The following USF3 variants were observed in gnomAD, a reference collection of about 807,000 sequenced individuals.
USF3 encodes basic helix-loop-helix domain-containing protein USF3.
A neutral mutation model predicts 157.5 loss-of-function variants in USF3; 29 were observed. The ratio of observed to expected loss-of-function variants is 0.18; its 90% CI spans 0.14 to 0.25. The LOEUF (loss-of-function observed/expected upper bound fraction) is 0.25. USF3 is among the 10% of genes least tolerant of loss of function. USF3 has a pLI of 1.00. For missense variants in USF3, 2,381 were observed against 2,667.6 expected, an observed-to-expected ratio of 0.89 and a Z score of 2.37; for synonymous variants, 893 against 941.4, an observed-to-expected ratio of 0.95 and a Z score of 0.94.
At chr3:113,663,972 C>G (rs2107930426) in intron 6 of USF3, among the ~76,000 whole-genome samples, 1 of 152,274 alleles carries the variant, frequency 6.6e-6, no homozygotes, top group East Asian at 1.9e-4. Flanking sequence ...GCAGAACTCC[C>G]CCCTTACATC....
rs778936058 is a variant in USF3 at position 113,656,095 on chromosome 3, C to T, written c.5587G>A (p.Glu1863Lys). ...CTCTCTCTTCTAATATGGACATTTTCATGAGTTGGGGGACAATTATATTCA... is the reference window on the plus strand; with the variant it reads ...CTCTCTCTTCTAATATGGACATTTTTATGAGTTGGGGGACAATTATATTCA... ...AIEYNCPPTH[E>K]NVHIRRESES... Residue 1863 changes from glutamate (E) to lysine (K), a missense_variant, in exon 7 of 7, where the codon GAA (glutamate) becomes AAA (lysine). This residue lies in a region of USF3 where 770 missense variants were observed against 824.2 expected (regional missense o/e 0.93). Coordinates refer to ENST00000316407, the MANE Select transcript of USF3 (RefSeq NM_001009899.4). 30 of 1,614,036 alleles carry T rather than the reference C, an allele frequency of 1.9e-5. No homozygotes were observed. Among genetic ancestry groups the T allele is most frequent in the Non-Finnish European group, 2.3e-5 (27 of 1,180,014 alleles).
rs1210047038 is a variant in USF3 at position 113,654,282 on chromosome 3, T to C, written c.*662A>G. On this transcript the variant is annotated 3_prime_UTR_variant, in exon 7 of 7. Coordinates refer to ENST00000316407, the MANE Select transcript of USF3 (RefSeq NM_001009899.4). ...GGAAGACCTTTGCTTTAAATAATCT[T>C]GGCACATTAAAGGGTAACACAGCTC... 6.5e-6 allele frequency: 1 copy of C among 152,680 alleles called. No homozygotes were observed. Among genetic ancestry groups the C allele is most frequent in the Non-Finnish European group, 1.5e-5 (1 of 68,046 alleles). The allele number at this position is 152,680 out of a possible 1,614,324, so 9.5% of individuals were successfully genotyped here.
intron 2 of USF3, 64 bp from the exon 3 acceptor site, chr3:113,674,960 C>A: frequency 3.1e-6 from 3 of 980,476 alleles, no homozygotes; most frequent in South Asian, 2.6e-5. Context: ...AAAAATTGGT[C>A]AATAGCAATT....
In USF3 at chr3:113,648,933, CGA is replaced by C. The variant is rs1372994739; in HGVS notation, c.*6009_*6010del. 3.9e-5 allele frequency: 6 copies of C among 152,002 alleles called. No homozygotes were observed. The highest frequency in any genetic ancestry group is 3.9e-4 in the Admixed American group (6 of 15,208). The allele number at this position is 152,002 out of a possible 1,614,324, so 9.4% of individuals were successfully genotyped here. On this transcript the variant is annotated 3_prime_UTR_variant, in exon 7 of 7. Coordinates refer to ENST00000316407, the MANE Select transcript of USF3 (RefSeq NM_001009899.4). ...TTATATAGCCTGCTGAAAGTGGAAG[CGA>C]ATCTTTTCTTCACAGTAACACAACT...
intron 1 of USF3, among the ~76,000 whole-genome samples, chr3:113,680,048 G>GTTTT (rs1330691890): frequency 1.4e-5 from 1 of 70,364 alleles, no homozygotes; most frequent in Non-Finnish European, 3.2e-5. Flanking sequence ...TTGGCCTGTA[G>GTTTT]TTTTCTTTTT....
At chr3:113,686,171 AG>A (rs1707541775) in intron 1 of USF3, among the ~76,000 whole-genome samples, 1 of 152,214 alleles carries the variant, frequency 6.6e-6, no homozygotes, top group Non-Finnish European at 1.5e-5. Context: ...TCCAACTGAT[AG>A]GATGGAAGAT....
rs748294448 is a variant in USF3, at chr3:113,655,880, G to T, written c.5802C>A (p.His1934Gln). The change falls in exon 7 of 7, where the codon CAC (histidine) becomes CAA (glutamine). Residue 1934 changes from histidine to glutamine, a missense_variant. This residue lies in a region of USF3 where 770 missense variants were observed against 824.2 expected (regional missense o/e 0.93). Coordinates refer to ENST00000316407, the MANE Select transcript of USF3 (RefSeq NM_001009899.4). ...TGTTGGTTGTGACTGGAGGGTTCAT[G>T]TGGCCCTTGGTGGCATGACTCTCAG... ...RITESHATKG[H>Q]MNPPVTTNMH... 2.3e-5 allele frequency: 37 copies of T among 1,614,060 alleles called. No individual in the cohort carries two copies. Among genetic ancestry groups the T allele is most frequent in the Non-Finnish European group, 3.0e-5 (35 of 1,180,042 alleles).
chr3:113,649,893 CAAAA>C lies in USF3; in HGVS notation c.*5047_*5050del. 1.4e-6 allele frequency: 1 copy of C among 697,640 alleles called. No individual in the cohort carries two copies. The highest frequency in any genetic ancestry group is 2.7e-5 in the East Asian group (1 of 37,162). The allele number at this position is 697,640 out of a possible 1,614,324, so 43.2% of individuals were successfully genotyped here. ...AATGCAGACAGAATATAGTTAAATC[CAAAA>C]AAGGCCCTTTTCTTTCAAACCCTGG... On this transcript the variant is annotated 3_prime_UTR_variant, in exon 7 of 7. Coordinates refer to ENST00000316407, the MANE Select transcript of USF3 (RefSeq NM_001009899.4).
chr3:113,659,389 T>G lies in USF3; in HGVS notation c.2293A>C (p.Ser765Arg), dbSNP rs1406210874. ...TAAGTACTAGCTAGTGTGGCTGAACTATCTGTTGTCACAGGAGGTGCTGCA... is the reference window on the plus strand; with the variant it reads ...TAAGTACTAGCTAGTGTGGCTGAACGATCTGTTGTCACAGGAGGTGCTGCA... ...TTAAPPVTTD[S>R]SATLASTYNL... is the part of the protein sequence containing the mutation. The change falls in exon 7 of 7, where the codon AGT becomes CGT. Residue 765 changes from serine (S) to arginine (R), a missense_variant. By Grantham distance (110) the Ser-to-Arg change is moderately radical. This residue lies in a region of USF3 where 1,435 missense variants were observed against 1,550.9 expected (regional missense o/e 0.93). Transcript: ENST00000316407. 1 of 1,614,236 alleles carries G rather than the reference T, an allele frequency of 6.2e-7. No homozygotes were observed. The highest frequency in any genetic ancestry group is 1.1e-5 in the South Asian group (1 of 91,088).
chr3:113,682,786 T>C (rs1217486079), intron 1 of USF3, among the ~76,000 whole-genome samples: 3 of 152,172 alleles, frequency 2.0e-5, no homozygotes, highest in Non-Finnish European at 4.4e-5. Context: ...TTTATTTTGG[T>C]TTCCATTTGT....
chr3:113,653,820 CAAGAAA>C lies in USF3; in HGVS notation c.*1118_*1123del, dbSNP rs1947307279. The C allele has an allele frequency of 6.6e-6, 1 of 151,644 alleles. No individual in the cohort carries two copies. Among genetic ancestry groups the C allele is most frequent in the African/African-American group, 2.4e-5 (1 of 41,206 alleles). The allele number at this position is 151,644 out of a possible 1,614,324, so 9.4% of individuals were successfully genotyped here. A position where few individuals can be genotyped will look rare whatever the true frequency, so the allele number is the denominator to read the frequency against. On this transcript the variant is annotated 3_prime_UTR_variant, in exon 7 of 7. Transcript: ENST00000316407. ...TGAAGCACCATTTCACATCTACCAA[CAAGAAA>C]AATAACAAATTCATATTCTCATTAT...
rs533723587 is a variant in USF3 at position 113,651,326 on chromosome 3, A to G, written c.*3618T>C. 1 of 152,322 alleles carries G rather than the reference A, an allele frequency of 6.6e-6. No individual in the cohort carries two copies. Among genetic ancestry groups the G allele is most frequent in the Non-Finnish European group, 1.5e-5 (1 of 68,022 alleles). The allele number at this position is 152,322 out of a possible 1,614,324, so 9.4% of individuals were successfully genotyped here. The stretch of plus-strand genomic sequence containing the variant: ...GAAATTCTTGTTGCTCTTTAAGAGA[A>G]TACGAGGCATACTGGTTCCCAAAGC... On this transcript the variant is annotated 3_prime_UTR_variant, in exon 7 of 7. Coordinates refer to ENST00000316407, the MANE Select transcript of USF3 (RefSeq NM_001009899.4).
chr3:113,690,005 G>A (rs1437765070), intron 1 of USF3, among the ~76,000 whole-genome samples: 4 of 152,174 alleles, frequency 2.6e-5, no homozygotes, highest in African/African-American at 9.7e-5. Flanking sequence ...TTGTAAGAAA[G>A]CTACCTTTCA....
At chr3:113,670,246 G>A (rs1197799077) in intron 4 of USF3, 43 bp from the exon 5 acceptor site, 4 of 1,124,350 alleles carry the variant, frequency 3.6e-6, no homozygotes, top group Non-Finnish European at 5.5e-6. Context: ...ACACTACTTA[G>A]TCAAAGTGCC....
intron 4 of USF3, among the ~76,000 whole-genome samples, chr3:113,671,060 C>G (rs994951270): frequency 1.3e-5 from 2 of 152,048 alleles, no homozygotes; most frequent in Non-Finnish European, 2.9e-5. Flanking sequence ...ATTTTAAAGA[C>G]CATCATTGAT....
In USF3 at chr3:113,659,348, A is replaced by G. The variant is rs369731854; in HGVS notation, c.2334T>C (p.Thr778=). 183 of 1,614,254 alleles carry G rather than the reference A, an allele frequency of 1.1e-4. 1 individual carries two copies. The African/African-American group carries it at 2.1e-3, about 18-fold the overall frequency. Residue 778 remains threonine (T), a synonymous_variant, in exon 7 of 7, where the codon ACT becomes ACC. Coordinates refer to ENST00000316407, the MANE Select transcript of USF3 (RefSeq NM_001009899.4). The stretch of plus-strand genomic sequence containing the variant: ...AACAAGCAACAGTGTTCATTGAGGA[A>G]GTACTCACTAGATTATAAGTACTAG... ...TLASTYNLVS[T]SSMNTVACLP...
chr3:113,681,072 G>T (rs779940479), intron 1 of USF3, among the ~76,000 whole-genome samples: 17 of 152,046 alleles, frequency 1.1e-4, no homozygotes, highest in Non-Finnish European at 1.2e-4. Flanking sequence ...CACCTTGCAG[G>T]TTCAAGCAAT....
At position 113,656,737 on chromosome 3, in the gene USF3, T is replaced by C. The variant is rs1043906396; in HGVS notation, c.4945A>G (p.Arg1649Gly). The change falls in exon 7 of 7, where the codon AGA (arginine) becomes GGA (glycine). Residue 1649 changes from arginine to glycine, a missense_variant. By Grantham distance (125) the Arg-to-Gly change is moderately radical. Coordinates refer to ENST00000316407, the MANE Select transcript of USF3 (RefSeq NM_001009899.4). ...QMVSQPSIVT[R>G]SSDMTCTPHR... ...GGAGTACAGGTCATGTCTGAAGATC[T>C]AGTCACAATACTTGGTTGGGACACC... 5.6e-6 allele frequency: 9 copies of C among 1,614,086 alleles called. No homozygotes were observed. Among genetic ancestry groups the C allele is most frequent in the African/African-American group, 1.3e-5 (1 of 74,944 alleles).
rs1947384767 is a variant in USF3, at chr3:113,657,389, T to G, written c.4293A>C (p.Gln1431His). The G allele has an allele frequency of 6.2e-7, 1 of 1,614,006 alleles. No homozygotes were observed. Among genetic ancestry groups the G allele is most frequent in the African/African-American group, 1.3e-5 (1 of 74,904 alleles). The change falls in exon 7 of 7, where the codon CAA becomes CAC. Residue 1431 changes from glutamine to histidine, a missense_variant. Physicochemically the swap from Gln to His is conservative, Grantham distance 24. Transcript: ENST00000316407. ...GSQPSVAEQQ[Q>H]TQASQHLQAL... ...CCTGTAGATGCTGACTTGCCTGGGT[T>G]TGCTGCTGTTCAGCAACTGAAGGCT...
Sources: gnomAD v4.1 joint callset for allele counts (sites outside exome capture counted in the v4.1 genomes callset) on GRCh38, gnomAD v4.1.1 for gene constraint, gnomAD v4.1.1 regional missense constraint, MANE v1.5 for transcripts, NCBI Gene and HGNC (gene_info 2026-07-23, HGNC 2026-07-21) for gene names.